The following MACROD2 variants were observed in gnomAD, a reference collection of about 807,000 sequenced individuals.
MACROD2 encodes the protein ADP-ribose glycohydrolase MACROD2.
A neutral mutation model predicts 70.4 loss-of-function variants in MACROD2; 36 were observed. That is an observed-to-expected ratio of 0.51 (90% CI 0.39 to 0.68). The LOEUF is 0.68. Ranked by LOEUF, MACROD2 falls within the 30% of genes least tolerant of loss-of-function variation. The pLI is 0.00. For missense variants in MACROD2, 496 were observed against 538.4 expected (o/e 0.92, Z 0.78); for synonymous variants, 172 against 178.8 (o/e 0.96, Z 0.30).
chr20:15,421,351 C>A (rs2046225526), intron 6 of MACROD2, among the ~76,000 whole-genome samples: 1 of 149,364 alleles, frequency 6.7e-6, no homozygotes, highest in Admixed American at 6.7e-5. Flanking sequence ...TGCACTCCAA[C>A]CTAGGTGACA....
chr20:15,885,914 A>T (rs1158571098), intron 10 of MACROD2, 103 bp downstream of exon 10: 8 of 1,243,900 alleles, frequency 6.4e-6, no homozygotes, highest in Non-Finnish European at 8.6e-6. Context: ...AGATTAATAA[A>T]ATAGAAATAT....
In MACROD2 at chr20:14,002,419, A is replaced by T; in HGVS notation, c.163+15A>T. 1 of 1,520,230 alleles carries T rather than the reference A, an allele frequency of 6.6e-7. No homozygotes were observed. The allele number at this position is 1,520,230 out of a possible 1,614,324, so 94.2% of individuals were successfully genotyped here. ...CCAAAATGATGGTAAGTTTCTCGGA[A>T]CATTTTTTAGGTAGATATTTTTCCC... On this transcript the variant is annotated intron_variant, in intron 2 of 17. Transcript: ENST00000684519.
At chr20:15,114,263 C>T (rs2075976651) in intron 5 of MACROD2, among the ~76,000 whole-genome samples, 1 of 152,190 alleles carries the variant, frequency 6.6e-6, no homozygotes, top group Non-Finnish European at 1.5e-5. Context: ...GTCCCCTCCT[C>T]TTGAGTTTGG....
intron 5 of MACROD2, among the ~76,000 whole-genome samples, chr20:15,038,465 T>C (rs777467873): frequency 1.3e-5 from 2 of 152,216 alleles, no homozygotes; most frequent in African/African-American, 2.4e-5. Context: ...GTGAGCAGTG[T>C]ATTTATCTTG....
intron 5 of MACROD2, among the ~76,000 whole-genome samples, chr20:15,022,612 C>G (rs2075196728): frequency 6.6e-6 from 1 of 152,190 alleles, no homozygotes; most frequent in African/African-American, 2.4e-5. Flanking sequence ...CATTCTTGCA[C>G]ACACTGGTGA....
chr20:15,215,255 TGTGTGTGTGTGTGTG>T (rs2145954994), intron 5 of MACROD2, among the ~76,000 whole-genome samples: 2 of 113,576 alleles, frequency 1.8e-5, no homozygotes, highest in Non-Finnish European at 3.9e-5. Context: ...CTGTATTTTG[TGTGTGTGTGTGTGTG>T]TGTGTGTGTG....
chr20:15,126,300 C>T (rs1478566579), intron 5 of MACROD2, among the ~76,000 whole-genome samples: 1 of 151,824 alleles, frequency 6.6e-6, no homozygotes, highest in African/African-American at 2.4e-5. Flanking sequence ...GTAGGTGCAT[C>T]AGCAGCAGCG....
Position 13,995,857 on chromosome 20 carries a change from T to TTTGGGGGG in MACROD2, c.46+48_46+49insTTGGGGGG. Reference sequence around the variant, plus strand: ...GGGGTGCGGGCGGTGGGGGTTAGGGTGGGGGCGGGGGTCAGGCTGTGTGTG... The same window carrying TTTGGGGGG: ...GGGGTGCGGGCGGTGGGGGTTAGGGTTTGGGGGGGGGGGCGGGGGTCAGGCTGTGTGTG... On this transcript the variant is annotated intron_variant, in intron 1 of 17. Transcript: ENST00000684519. This position sits in a 1 kb window ranked among gnomAD's most constrained non-coding sequence, Gnocchi z 4.3. 4 of 284,150 alleles carry TTTGGGGGG rather than the reference T, an allele frequency of 1.4e-5. No homozygotes were observed. Among genetic ancestry groups the TTTGGGGGG allele is most frequent in the Non-Finnish European group, 2.6e-5 (4 of 155,022 alleles). The allele number at this position is 284,150 out of a possible 1,614,324, so 17.6% of individuals were successfully genotyped here. A position where few individuals can be genotyped will look rare whatever the true frequency, so the allele number is the denominator to read the frequency against.
At chr20:14,855,560 A>G (rs6110454) in intron 5 of MACROD2, among the ~76,000 whole-genome samples, 4,150 of 145,460 alleles carry the variant, frequency 0.029, 202 homozygotes, top group African/African-American at 0.1. Context: ...CAATAAGTCA[A>G]TTGGGGAAGA....
At chr20:13,996,023 A>G (rs1008923067) in intron 1 of MACROD2, among the ~76,000 whole-genome samples, 1 of 152,102 alleles carries the variant, frequency 6.6e-6, no homozygotes, top group African/African-American at 2.4e-5. Context: ...CAGCTCGCGC[A>G]CGTGTGGGCG....
chr20:14,657,311 C>T lies in MACROD2; in HGVS notation c.302-27532C>T, dbSNP rs116369878. On this transcript the variant is annotated intron_variant, in intron 4 of 17. Transcript: ENST00000684519. ...AAGCCCTTTAATTTTATATTCTGCT[C>T]CTGGCAGTTGTGGCTTATTTGGTAC... Among the ~76,000 whole-genome samples the T allele has an allele frequency of 3.9e-3, 598 of 152,250 alleles. 2 individuals carry two copies. The highest frequency in any genetic ancestry group is 0.014 in the African/African-American group (578 of 41,556).
intron 5 of MACROD2, among the ~76,000 whole-genome samples, chr20:15,144,875 C>T (rs2076219077): frequency 6.6e-6 from 1 of 152,084 alleles, no homozygotes; most frequent in African/African-American, 2.4e-5. Flanking sequence ...TACTATAGTA[C>T]TATATACTAT....
chr20:15,904,638 A>T (rs1333288330), intron 10 of MACROD2, among the ~76,000 whole-genome samples: 1 of 151,752 alleles, frequency 6.6e-6, no homozygotes, highest in Non-Finnish European at 1.5e-5. Context: ...CACGCCTGTA[A>T]TCCCAGCACT....
At chr20:15,701,855 C>T (rs924072741) in intron 8 of MACROD2, among the ~76,000 whole-genome samples, 1 of 152,166 alleles carries the variant, frequency 6.6e-6, no homozygotes, top group African/African-American at 2.4e-5. Context: ...CTATTATTCA[C>T]ATCTTTATAT....
At chr20:15,598,460 A>G (rs977661457) in intron 8 of MACROD2, among the ~76,000 whole-genome samples, 11 of 152,162 alleles carry the variant, frequency 7.2e-5, no homozygotes, top group Non-Finnish European at 1.3e-4. Context: ...ATACCCTCAG[A>G]TGCCCGACTG....
intron 5 of MACROD2, among the ~76,000 whole-genome samples, chr20:14,843,172 T>TC (rs1171557406): frequency 2.0e-5 from 3 of 150,334 alleles, no homozygotes. Flanking sequence ...ACTTTTTTTT[T>TC]TTTTTTTTTT....
chr20:14,195,506 G>T (rs2081423182), intron 3 of MACROD2, among the ~76,000 whole-genome samples: 1 of 152,038 alleles, frequency 6.6e-6, no homozygotes, highest in Non-Finnish European at 1.5e-5. Flanking sequence ...AGGCATTTTT[G>T]TTTTCCTGCC....
chr20:15,955,691 A>G (rs773519334), intron 12 of MACROD2, among the ~76,000 whole-genome samples: 9 of 152,214 alleles, frequency 5.9e-5, no homozygotes, highest in Non-Finnish European at 1.0e-4. Context: ...ACTACATATT[A>G]GTAGTTTTAA....
chr20:14,507,839 G>C (rs1406235741), intron 4 of MACROD2, among the ~76,000 whole-genome samples: 1 of 152,096 alleles, frequency 6.6e-6, no homozygotes, highest in Non-Finnish European at 1.5e-5. Flanking sequence ...GATTGAGTGC[G>C]CTGGCCTGTT....
Sources: allele counts gnomAD v4.1 joint callset (sites outside exome capture counted in the v4.1 genomes callset), GRCh38; gene constraint gnomAD v4.1.1; non-coding constraint Gnocchi (gnomAD v3.1); transcripts MANE v1.5; gene names NCBI Gene and HGNC (gene_info 2026-07-23, HGNC 2026-07-21).